The following RAB4A variants were observed in gnomAD, a reference collection of about 807,000 sequenced individuals.
The protein encoded by RAB4A is ras-related protein Rab-4A.
In RAB4A, 20 loss-of-function variants were observed where a neutral mutation model predicts 34.5. The observed-to-expected ratio is 0.58, with a 90% CI of 0.41 to 0.84. The LOEUF is 0.84. Ranked by LOEUF, RAB4A falls within the 40% of genes least tolerant of loss-of-function variation. The pLI, the probability that RAB4A is intolerant of heterozygous loss-of-function variation, is 0.00. For missense variants in RAB4A, 228 were observed against 274.5 expected, an observed-to-expected ratio of 0.83 and a Z score of 1.20; for synonymous variants, 102 against 100.0, an observed-to-expected ratio of 1.02 and a Z score of -0.12.
intron 1 of RAB4A, among the ~76,000 whole-genome samples, chr1:229,272,294 T>C (rs1401543251): frequency 6.6e-6 from 1 of 152,152 alleles, no homozygotes; most frequent in Non-Finnish European, 1.5e-5. Flanking sequence ...AGGCTCAAGT[T>C]CAAAATTACA....
At chr1:229,278,477 C>T (rs1487764013) in intron 1 of RAB4A, among the ~76,000 whole-genome samples, 2 of 152,328 alleles carry the variant, frequency 1.3e-5, no homozygotes, top group Non-Finnish European at 2.9e-5. Flanking sequence ...TCTCTCACTC[C>T]TAGTAGATGA....
intron 1 of RAB4A, among the ~76,000 whole-genome samples, chr1:229,281,060 G>A (rs1656765286): frequency 6.6e-6 from 1 of 152,010 alleles, no homozygotes; most frequent in East Asian, 1.9e-4. Flanking sequence ...TCCAATTTTG[G>A]GCTATACCAA....
At position 229,302,940 on chromosome 1, in the gene RAB4A, G is replaced by A. The variant is rs368207169; in HGVS notation, c.620G>A (p.Arg207His). 125 of 1,614,018 alleles carry A rather than the reference G, an allele frequency of 7.7e-5. 1 individual carries two copies. In the South Asian group the frequency reaches 8.2e-4, roughly 11 times the overall value. The change falls in exon 7 of 8, where the codon CGC becomes CAC. Residue 207 changes from arginine to histidine, a missense_variant. Physicochemically the swap from Arg to His is conservative, Grantham distance 29. Transcript: ENST00000366690. The stretch of plus-strand genomic sequence containing the variant: ...TTGAGACAGCTGAGGTCACCGCGGC[G>A]CGCACAGGCCCCGAACGCTCAGGAG... ...AALRQLRSPR[R>H]AQAPNAQECG...
chr1:229,295,966 C>G, intron 4 of RAB4A, 56 bp downstream of exon 4: 1 of 1,585,096 alleles, frequency 6.3e-7, no homozygotes, highest in Middle Eastern at 1.7e-4. Flanking sequence ...AGCCCAAAGG[C>G]TGGTCTTGGC....
chr1:229,287,626 G>T lies in RAB4A; in HGVS notation c.112+1060G>T, dbSNP rs372637085. Among the ~76,000 whole-genome samples the T allele has an allele frequency of 9.2e-5, 14 of 152,228 alleles. No homozygotes were observed. The East Asian group carries it at 1.5e-3, about 17-fold the overall frequency. The stretch of plus-strand genomic sequence containing the variant: ...TCCTCACAACAGTAATGAACGGAAG[G>T]TCTCTCTTTGTAACCAGGATGCCCC... On this transcript the variant is annotated intron_variant, in intron 2 of 7. Coordinates refer to ENST00000366690, the MANE Select transcript of RAB4A (RefSeq NM_004578.4).
intron 5 of RAB4A, 109 bp downstream of exon 5, chr1:229,297,745 G>A: frequency 1.7e-6 from 2 of 1,202,148 alleles, no homozygotes; most frequent in Non-Finnish European, 1.1e-6. Flanking sequence ...ACTAGATTTA[G>A]GAAATGTGGA....
At chr1:229,273,923 G>C (rs1199788711) in intron 1 of RAB4A, among the ~76,000 whole-genome samples, 1 of 152,138 alleles carries the variant, frequency 6.6e-6, no homozygotes, top group Non-Finnish European at 1.5e-5. Flanking sequence ...CTCTGAGCTG[G>C]TGAAGGAATG....
At chr1:229,286,373 C>G in intron 1 of RAB4A, 113 bp from the exon 2 acceptor site, 1 of 640,590 alleles carries the variant, frequency 1.6e-6, no homozygotes, top group South Asian at 2.0e-5. Flanking sequence ...ACTCAGTTAC[C>G]TCTTTTTCCT....
intron 6 of RAB4A, among the ~76,000 whole-genome samples, chr1:229,299,899 C>G (rs547724191): frequency 2.6e-5 from 4 of 152,212 alleles, no homozygotes; most frequent in Admixed American, 1.3e-4. Context: ...GAGGAGGTGT[C>G]AGGGAGGGCT....
chr1:229,277,458 C>A (rs1458290838), intron 1 of RAB4A, among the ~76,000 whole-genome samples: 2 of 151,214 alleles, frequency 1.3e-5, no homozygotes, highest in Non-Finnish European at 2.9e-5. Context: ...ACCAGCATTT[C>A]ATCAAGGTTC....
chr1:229,284,101 T>G (rs902397109), intron 1 of RAB4A, among the ~76,000 whole-genome samples: 1 of 140,154 alleles, frequency 7.1e-6, no homozygotes, highest in African/African-American at 2.7e-5. Flanking sequence ...TTGGTTTTTT[T>G]TTTTTTTTTT....
chr1:229,282,785 TGTA>T (rs1237077130), intron 1 of RAB4A, among the ~76,000 whole-genome samples: 2 of 152,228 alleles, frequency 1.3e-5, no homozygotes, highest in Non-Finnish European at 2.9e-5. Flanking sequence ...GGTTCTTCTG[TGTA>T]TCTTCTAGTT....
At chr1:229,280,787 A>G (rs1656759491) in intron 1 of RAB4A, among the ~76,000 whole-genome samples, 3 of 152,096 alleles carry the variant, frequency 2.0e-5, no homozygotes, top group Admixed American at 1.3e-4. Flanking sequence ...CTTCCTTCCT[A>G]TCACCACATT....
intron 4 of RAB4A, among the ~76,000 whole-genome samples, 175 bp downstream of exon 4, chr1:229,296,085 G>A (rs1051689763): frequency 1.3e-5 from 2 of 152,208 alleles, no homozygotes; most frequent in South Asian, 2.1e-4. Context: ...GTCTTTGAAC[G>A]AGCCCCTACC....
chr1:229,273,764 G>A (rs1365892709), intron 1 of RAB4A, among the ~76,000 whole-genome samples: 1 of 152,096 alleles, frequency 6.6e-6, no homozygotes, highest in Non-Finnish European at 1.5e-5. Context: ...GTTTTAGAAG[G>A]AGCAAGCAGG....
At chr1:229,293,355 A>G (rs1571832170) in intron 3 of RAB4A, among the ~76,000 whole-genome samples, 1 of 152,160 alleles carries the variant, frequency 6.6e-6, no homozygotes, top group African/African-American at 2.4e-5. Flanking sequence ...TGAGGCTATA[A>G]GTTCCAGCAC....
chr1:229,286,791 G>C lies in RAB4A; in HGVS notation c.112+225G>C, dbSNP rs542892379. ...GGTTACTTCTACTGTACATTTTGCA[G>C]ATGCTGAGAGACCATATAGTGATGT... On this transcript the variant is annotated intron_variant, in intron 2 of 7. Transcript: ENST00000366690. Among the ~76,000 whole-genome samples, 8 of 152,318 alleles carry C rather than the reference G, an allele frequency of 5.3e-5. No homozygotes were observed. The East Asian group carries it at 5.8e-4, about 11-fold the overall frequency.
chr1:229,288,856 T>G lies in RAB4A; in HGVS notation c.227+13T>G. 1.7e-5 allele frequency: 24 copies of G among 1,375,678 alleles called. No individual in the cohort carries two copies. Among genetic ancestry groups the G allele is most frequent in the Non-Finnish European group, 2.3e-5 (22 of 975,252 alleles). The allele number at this position is 1,375,678 out of a possible 1,614,324, so 85.2% of individuals were successfully genotyped here. A position where few individuals can be genotyped will look rare whatever the true frequency, so the allele number is the denominator to read the frequency against. ...AAGAACGATTCAGGTAGCTTTTCTCTAACTTAATAAAAATATTTGAAAATT... is the reference window on the plus strand; with the variant it reads ...AAGAACGATTCAGGTAGCTTTTCTCGAACTTAATAAAAATATTTGAAAATT... On this transcript the variant is annotated intron_variant, in intron 3 of 7. Coordinates refer to ENST00000366690, the MANE Select transcript of RAB4A (RefSeq NM_004578.4).
chr1:229,299,523 AATTT>A (rs1657328439), intron 6 of RAB4A, among the ~76,000 whole-genome samples: 4 of 152,206 alleles, frequency 2.6e-5, no homozygotes, highest in African/African-American at 9.6e-5. Context: ...AGTCCAGAGT[AATTT>A]TATTTCTGAA....
Sources: allele counts gnomAD v4.1 joint callset (sites outside exome capture counted in the v4.1 genomes callset), GRCh38; gene constraint gnomAD v4.1.1; transcripts MANE v1.5; gene names NCBI Gene and HGNC (gene_info 2026-07-23, HGNC 2026-07-21).